The following CATSPERD variants were observed in gnomAD, a reference collection of about 807,000 sequenced individuals.
CATSPERD encodes the protein cation channel sperm-associated auxiliary subunit delta.
In CATSPERD, 86 loss-of-function variants were observed where a neutral mutation model predicts 98.1. The observed-to-expected ratio is 0.88, with a 90% CI of 0.74 to 1.05. The LOEUF is 1.05. Ranked by LOEUF, CATSPERD falls within the 50% of genes least tolerant of loss-of-function variation. The probability of loss-of-function intolerance (pLI) is 0.00; values close to 1 mark genes in which losing one functional copy is unlikely to be tolerated. For synonymous variants in CATSPERD, 394 were observed against 390.2 expected, an observed-to-expected ratio of 1.01 and a Z score of -0.12; for missense variants, 995 against 1,005.7, an observed-to-expected ratio of 0.99 and a Z score of 0.14.
In CATSPERD at chr19:5,771,084, G is replaced by C. The variant is rs1201683946; in HGVS notation, c.1763+12G>C. 6.2e-7 allele frequency: 1 copy of C among 1,608,850 alleles called. No individual in the cohort carries two copies. Among genetic ancestry groups the C allele is most frequent in the Non-Finnish European group, 8.5e-7 (1 of 1,177,754 alleles). On this transcript the variant is annotated intron_variant, in intron 19 of 21. Coordinates refer to ENST00000381624, the MANE Select transcript of CATSPERD (RefSeq NM_152784.4). ...CCCGTGGTGGAGCTGTAAGACCCCA[G>C]GGGGGTGCTGCAGGGTGGGGACGGT...
intron 8 of CATSPERD, among the ~76,000 whole-genome samples, chr19:5,744,755 C>T (rs1234285809): frequency 3.3e-5 from 5 of 151,856 alleles, no homozygotes; most frequent in South Asian, 2.1e-4. Context: ...CTCGTGCCAC[C>T]GCGCCTGGCT....
At chr19:5,721,512 C>T (rs2055476557) in intron 1 of CATSPERD, among the ~76,000 whole-genome samples, 1 of 152,186 alleles carries the variant, frequency 6.6e-6, no homozygotes, top group Admixed American at 6.5e-5. Context: ...CCATGGGGAC[C>T]AGTTGCTGAA....
intron 2 of CATSPERD, among the ~76,000 whole-genome samples, chr19:5,725,102 C>T (rs567973833): frequency 2.0e-5 from 3 of 152,238 alleles, no homozygotes; most frequent in African/African-American, 7.2e-5. Flanking sequence ...GGGAATAGAA[C>T]TAAGATGGTC....
At chr19:5,750,371 A>G (rs2056186163) in intron 11 of CATSPERD, among the ~76,000 whole-genome samples, 1 of 143,422 alleles carries the variant, frequency 7.0e-6, no homozygotes, top group South Asian at 2.2e-4. Flanking sequence ...GAATGGCGTG[A>G]ATCCAGGAGG....
chr19:5,762,058 A>ATTATTTTTTTTT lies in CATSPERD; in HGVS notation c.1428-1155_1428-1154insATTTTTTTTTTT, dbSNP rs2056449912. 1.2e-3 allele frequency among the ~76,000 whole-genome samples: 13 copies of ATTATTTTTTTTT among 10,444 alleles called. 1 individual carries two copies. The highest frequency in any genetic ancestry group is 1.8e-4 in the Non-Finnish European group (1 of 5,580). The allele number at this position is 10,444 out of a possible 152,430, so 6.9% of individuals were successfully genotyped here. ...TGGCCTGCCATATATATATATATAT[A>ATTATTTTTTTTT]TTTTTTTTTTTTTTTTTTTTTTTGA... is the stretch of plus-strand genomic sequence containing the variant. On this transcript the variant is annotated intron_variant, in intron 15 of 21. Transcript: ENST00000381624.
At chr19:5,744,696 C>G (rs972001234) in intron 8 of CATSPERD, among the ~76,000 whole-genome samples, 186 bp downstream of exon 8, 1 of 151,632 alleles carries the variant, frequency 6.6e-6, no homozygotes, top group Admixed American at 6.6e-5. Flanking sequence ...CACCTTTCAA[C>G]TTCAAGCAAT....
intron 1 of CATSPERD, among the ~76,000 whole-genome samples, chr19:5,721,087 C>T (rs2055457734): frequency 6.6e-6 from 1 of 151,786 alleles, no homozygotes; most frequent in South Asian, 2.1e-4. Context: ...CAAGCTCCGC[C>T]TCCCGGATTC....
intron 4 of CATSPERD, among the ~76,000 whole-genome samples, chr19:5,732,303 G>A (rs2055741540): frequency 6.6e-6 from 1 of 151,792 alleles, no homozygotes; most frequent in South Asian, 2.1e-4. Flanking sequence ...AAGAGGAGAT[G>A]GAATGAATTG....
Position 5,741,797 on chromosome 19 carries a change from GGTGGT to G in CATSPERD, c.573+2363_573+2367del, listed in dbSNP as rs796791630. Among the ~76,000 whole-genome samples the G allele has an allele frequency of 4.1e-4, 37 of 90,238 alleles. 3 individuals carry two copies. The highest frequency in any genetic ancestry group is 4.8e-4 in the South Asian group (1 of 2,082). The allele number at this position is 90,238 out of a possible 152,430, so 59.2% of individuals were successfully genotyped here. A position where few individuals can be genotyped will look rare whatever the true frequency, so the allele number is the denominator to read the frequency against. ...GGGATGCTGAAGGCGGGGGGGGGGGGGTGGTGTGGATCACTTGAGGTCAGGAGTTC... is the reference window on the plus strand; with the variant it reads ...GGGATGCTGAAGGCGGGGGGGGGGGGGTGGATCACTTGAGGTCAGGAGTTC... On this transcript the variant is annotated intron_variant, in intron 7 of 21. Coordinates refer to ENST00000381624, the MANE Select transcript of CATSPERD (RefSeq NM_152784.4).
At chr19:5,751,219 AAAAAAAAAAAAAAAAAAAAAAAAG>A in intron 11 of CATSPERD, among the ~76,000 whole-genome samples, 1 of 23,178 alleles carries the variant, frequency 4.3e-5, no homozygotes, top group Non-Finnish European at 9.7e-5. Context: ...AAAAAAAAAA[AAAAAAAAAAAAAAAAAAAAAAAAG>A]GCCTGGCGCG....
intron 4 of CATSPERD, among the ~76,000 whole-genome samples, chr19:5,731,559 A>ATTTTT (rs1568342216): frequency 1.3e-5 from 1 of 78,508 alleles, no homozygotes; most frequent in African/African-American, 4.6e-5. Context: ...GACACTTAAC[A>ATTTTT]GTTTTTTTTT....
In CATSPERD at chr19:5,770,952, A is replaced by G; in HGVS notation, c.1643A>G (p.Tyr548Cys). 1 of 1,608,230 alleles carries G rather than the reference A, an allele frequency of 6.2e-7. No homozygotes were observed. Among genetic ancestry groups the G allele is most frequent in the South Asian group, 1.1e-5 (1 of 90,196 alleles). Residue 548 changes from tyrosine (Y) to cysteine (C), a missense_variant, in exon 19 of 22, where the codon TAC (tyrosine) becomes TGC (cysteine). Tyr to Cys is a radical substitution (Grantham distance 194). Coordinates refer to ENST00000381624, the MANE Select transcript of CATSPERD (RefSeq NM_152784.4). ...NYSFIIEKEF[Y>C]DPGFQGQQSS... ...TTCTTGGTGTCTTGAAGGGAATTCT[A>G]CGACCCCGGCTTCCAGGGGCAGCAG...
At chr19:5,756,718 G>A (rs188162986) in intron 13 of CATSPERD, among the ~76,000 whole-genome samples, 2 of 152,000 alleles carry the variant, frequency 1.3e-5, no homozygotes, top group Non-Finnish European at 2.9e-5. Context: ...GCCGAGGTGG[G>A]GGGATTGCCT....
At chr19:5,753,377 T>A in intron 12 of CATSPERD, 1 of 167,412 alleles carries the variant, frequency 6.0e-6, no homozygotes, top group Non-Finnish European at 1.3e-5. Context: ...TGGCTAACAG[T>A]GAAACCCCAT....
chr19:5,755,074 C>A (rs2056299983), intron 13 of CATSPERD, among the ~76,000 whole-genome samples: 1 of 150,794 alleles, frequency 6.6e-6, no homozygotes. Flanking sequence ...GAACTCCTGA[C>A]CTCAGGTGAT....
intron 19 of CATSPERD, among the ~76,000 whole-genome samples, chr19:5,771,564 C>T (rs1262596706): frequency 1.3e-5 from 2 of 151,690 alleles, no homozygotes; most frequent in Admixed American, 6.6e-5. Context: ...TGCCTGTGCA[C>T]TCCTGCTGTC....
chr19:5,768,423 A>G (rs955646671), intron 18 of CATSPERD, among the ~76,000 whole-genome samples, 181 bp downstream of exon 18: 16 of 151,210 alleles, frequency 1.1e-4, no homozygotes, highest in Non-Finnish European at 2.1e-4. Context: ...TGCAAGCTCC[A>G]CCTCCCGGGT....
At chr19:5,724,621 T>C (rs2055568354) in intron 1 of CATSPERD, among the ~76,000 whole-genome samples, 187 bp from the exon 2 acceptor site, 1 of 152,088 alleles carries the variant, frequency 6.6e-6, no homozygotes, top group South Asian at 2.1e-4. Context: ...AACACTTGAA[T>C]CTGGGAGGCG....
intron 15 of CATSPERD, among the ~76,000 whole-genome samples, chr19:5,761,513 T>C (rs894701284): frequency 6.6e-6 from 1 of 152,282 alleles, no homozygotes; most frequent in Non-Finnish European, 1.5e-5. Flanking sequence ...CTATCTGAGA[T>C]TGGGTAATTT....
Sources: allele counts gnomAD v4.1 joint callset (sites outside exome capture counted in the v4.1 genomes callset), GRCh38; gene constraint gnomAD v4.1.1; transcripts MANE v1.5; gene names NCBI Gene and HGNC (gene_info 2026-07-23, HGNC 2026-07-21).